VAT1L: variants seen among roughly 807,000 people sequenced by gnomAD.
VAT1L encodes the protein putative NADPH-dependent quinone oxidoreductase VAT1L.
In VAT1L, 34 loss-of-function variants were observed where a neutral mutation model predicts 44.1. The ratio of observed to expected loss-of-function variants is 0.77; its 90% confidence interval spans 0.59 to 1.03. The LOEUF is 1.03. VAT1L is among the 50% of genes least tolerant of loss of function. The pLI is 0.00. For missense variants in VAT1L, 615 were observed against 538.8 expected (o/e 1.14, Z -1.40); for synonymous variants, 253 against 202.2 (o/e 1.25, Z -2.13).
rs866858946 is a variant in VAT1L, at chr16:77,788,743, G to A, written c.61G>A (p.Gly21Ser). ...GGAGCAAATGATCGAGAAGGAGGCA[G>A]GCAAGGAGCCGGCGGAGGGCGGCGG... is the stretch of plus-strand genomic sequence containing the variant. ...ETEQMIEKEA[G>S]KEPAEGGGGD... Residue 21 changes from glycine to serine, a missense_variant, in exon 1 of 9, where the codon GGC becomes AGC. Coordinates refer to ENST00000302536, the MANE Select transcript of VAT1L (RefSeq NM_020927.3). The A allele has an allele frequency of 1.9e-6, 3 of 1,561,042 alleles. No homozygotes were observed. Among genetic ancestry groups the A allele is most frequent in the East Asian group, 4.7e-5 (2 of 42,564 alleles).
At chr16:77,806,051 C>A (rs927485771) in intron 1 of VAT1L, among the ~76,000 whole-genome samples, 2 of 151,110 alleles carry the variant, frequency 1.3e-5, no homozygotes, top group African/African-American at 4.9e-5. Flanking sequence ...TTAGTAGAGT[C>A]AGGGTTTCAC....
intron 3 of VAT1L, among the ~76,000 whole-genome samples, chr16:77,831,311 G>A (rs2016575802): frequency 2.0e-5 from 3 of 152,214 alleles, no homozygotes; most frequent in African/African-American, 7.2e-5. Context: ...AAGAAGAGAG[G>A]AGATGAGGCA....
At chr16:77,825,135 G>A in intron 2 of VAT1L, 111 bp from the exon 3 acceptor site, 1 of 1,162,458 alleles carries the variant, frequency 8.6e-7, no homozygotes, top group Non-Finnish European at 1.3e-6. Context: ...CCAAAGTGCT[G>A]GGATTATACG....
At chr16:77,940,575 C>T (rs894954753) in intron 7 of VAT1L, among the ~76,000 whole-genome samples, 3 of 151,988 alleles carry the variant, frequency 2.0e-5, no homozygotes, top group East Asian at 1.9e-4. Context: ...AAACTCCTGA[C>T]CACGTGATCC....
At chr16:77,955,748 A>T (rs2018097009) in intron 7 of VAT1L, among the ~76,000 whole-genome samples, 1 of 144,260 alleles carries the variant, frequency 6.9e-6, no homozygotes, top group South Asian at 2.4e-4. Context: ...AAAAAGAGAG[A>T]GAATGGAATG....
At chr16:77,799,169 C>A (rs1269718000) in intron 1 of VAT1L, among the ~76,000 whole-genome samples, 1 of 151,856 alleles carries the variant, frequency 6.6e-6, no homozygotes, top group Non-Finnish European at 1.5e-5. Flanking sequence ...AATCACATAC[C>A]AGCCCCTGGA....
intron 7 of VAT1L, among the ~76,000 whole-genome samples, chr16:77,920,427 C>T (rs17704528): frequency 0.082 from 12,416 of 152,214 alleles, 639 homozygotes; most frequent in South Asian, 0.16. Context: ...CTCAGCGACA[C>T]ATAGCTGCCA....
intron 3 of VAT1L, among the ~76,000 whole-genome samples, chr16:77,830,550 G>T (rs1378596391): frequency 6.6e-6 from 1 of 152,170 alleles, no homozygotes. Flanking sequence ...AGATCTGATG[G>T]TTTTATAAAG....
intron 7 of VAT1L, among the ~76,000 whole-genome samples, chr16:77,933,746 G>C (rs777113570): frequency 1.3e-5 from 2 of 152,194 alleles, no homozygotes; most frequent in African/African-American, 4.8e-5. Flanking sequence ...ACAGTGGGCT[G>C]GGTACATTTA....
intron 7 of VAT1L, among the ~76,000 whole-genome samples, chr16:77,946,339 A>G (rs2017966283): frequency 8.8e-6 from 1 of 114,080 alleles, no homozygotes; most frequent in African/African-American, 3.4e-5. Flanking sequence ...GCTGGAGTGC[A>G]GTGGTGAGAT....
intron 2 of VAT1L, among the ~76,000 whole-genome samples, chr16:77,820,976 A>G (rs958523989): frequency 6.6e-6 from 1 of 152,140 alleles, no homozygotes; most frequent in African/African-American, 2.4e-5. Context: ...TTTCCCCTTT[A>G]GACCTACAGA....
chr16:77,818,048 G>C lies in VAT1L; in HGVS notation c.363+998G>C, dbSNP rs555252748. ...TTCTGTGAGGTCAGAAGGGTAGTTA[G>C]TACCACTAGAACCCGGATTCAAATC... is the stretch of plus-strand genomic sequence containing the variant. On this transcript the variant is annotated intron_variant, in intron 2 of 8. Coordinates refer to ENST00000302536, the MANE Select transcript of VAT1L (RefSeq NM_020927.3). 3.9e-5 allele frequency among the ~76,000 whole-genome samples: 6 copies of C among 152,290 alleles called. No individual in the cohort carries two copies. The East Asian group carries it at 1.2e-3, about 29-fold the overall frequency.
rs148675588 is a variant in VAT1L, at chr16:77,893,233, T to G, written c.1077+8431T>G. On this transcript the variant is annotated intron_variant, in intron 7 of 8. Transcript: ENST00000302536. ...GTCTGGCTGGGAGGCTGTGGCAATT[T>G]TGGGGGCATGAATATAGGTAAGCCA... 1.8e-4 allele frequency among the ~76,000 whole-genome samples: 28 copies of G among 152,318 alleles called. 2 individuals are homozygous for G. The East Asian group carries it at 5.4e-3, about 29-fold the overall frequency.
intron 7 of VAT1L, among the ~76,000 whole-genome samples, chr16:77,896,799 A>C (rs2017329471): frequency 6.6e-6 from 1 of 152,230 alleles, no homozygotes; most frequent in Non-Finnish European, 1.5e-5. Flanking sequence ...TCAGCTCTGA[A>C]TACATTCCTG....
At chr16:77,948,183 T>G (rs567825714) in intron 7 of VAT1L, among the ~76,000 whole-genome samples, 5 of 152,346 alleles carry the variant, frequency 3.3e-5, no homozygotes, top group African/African-American at 1.2e-4. Context: ...TCTGTTGGAA[T>G]TGACTGTCTC....
rs2016508455 is a variant in VAT1L, at chr16:77,825,442, A to G, written c.560A>G (p.His187Arg). The G allele has an allele frequency of 6.3e-7, 1 of 1,595,988 alleles. No homozygotes were observed. Residue 187 changes from histidine (H) to arginine (R), a missense_variant, in exon 3 of 9, where the codon CAC becomes CGC. Transcript: ENST00000302536. The part of the protein sequence containing the change: ...NLREGMSVLV[H>R]SAGGGVGQAV... ...CGGGAAGGGATGTCTGTGCTCGTGCACTCAGCTGGTGGGGGCGTGGTAAGT... is the reference window on the plus strand; with the variant it reads ...CGGGAAGGGATGTCTGTGCTCGTGCGCTCAGCTGGTGGGGGCGTGGTAAGT...
intron 7 of VAT1L, among the ~76,000 whole-genome samples, chr16:77,905,705 A>T (rs2017429747): frequency 6.6e-6 from 1 of 152,130 alleles, no homozygotes; most frequent in South Asian, 2.1e-4. Context: ...ATCATACGTT[A>T]TTTGCTTTGC....
chr16:77,955,669 G>A (rs576670001), intron 7 of VAT1L, among the ~76,000 whole-genome samples: 12 of 150,574 alleles, frequency 8.0e-5, no homozygotes, highest in Admixed American at 5.3e-4. Flanking sequence ...AGGTTGCAGT[G>A]AGCTGAGATC....
intron 4 of VAT1L, among the ~76,000 whole-genome samples, chr16:77,867,240 G>A (rs770141485): frequency 6.6e-5 from 10 of 152,194 alleles, no homozygotes; most frequent in Non-Finnish European, 1.5e-4. Flanking sequence ...ACTTTTGGGC[G>A]TGAAGCATAT....
Sources: allele counts gnomAD v4.1 joint callset (sites outside exome capture counted in the v4.1 genomes callset), GRCh38; gene constraint gnomAD v4.1.1; transcripts MANE v1.5; gene names NCBI Gene and HGNC (gene_info 2026-07-23, HGNC 2026-07-21).